GREB1: variants seen among roughly 807,000 people sequenced by gnomAD.
GREB1 encodes the protein growth regulating estrogen receptor binding 1.
Under a neutral mutation model 200.7 loss-of-function variants are expected in GREB1, and 106 were observed. That is an observed-to-expected ratio of 0.53 (90% CI 0.45 to 0.62). GREB1 has a LOEUF of 0.62. GREB1 is among the 20% of genes least tolerant of loss of function. GREB1 has a pLI of 0.00. For synonymous variants in GREB1, 1,132 were observed against 1,092.4 expected, an observed-to-expected ratio of 1.04 and a Z score of -0.72; for missense variants, 2,243 against 2,556.8, an observed-to-expected ratio of 0.88 and a Z score of 2.65.
At chr2:11,588,680 C>T (rs1373302798) in intron 9 of GREB1, 66 bp from the exon 10 acceptor site, 2 of 1,435,256 alleles carry the variant, frequency 1.4e-6, no homozygotes, top group Admixed American at 1.7e-5. Context: ...CCCCAGAGAA[C>T]CCACATGTAT....
At chr2:11,555,098 C>G (rs1676304127) in intron 1 of GREB1, among the ~76,000 whole-genome samples, 1 of 152,012 alleles carries the variant, frequency 6.6e-6, no homozygotes, top group Non-Finnish European at 1.5e-5. Flanking sequence ...TAAATGTCTT[C>G]GTTGTTAATG....
intron 2 of GREB1, 79 bp downstream of exon 2, chr2:11,556,850 T>C: frequency 9.2e-7 from 1 of 1,086,850 alleles, no homozygotes; most frequent in Non-Finnish European, 1.3e-6. Flanking sequence ...CTTGAAACTC[T>C]TTTCTTTATG....
chr2:11,573,394 C>T (rs1220450751), intron 4 of GREB1, among the ~76,000 whole-genome samples: 6 of 152,158 alleles, frequency 3.9e-5, no homozygotes, highest in South Asian at 2.1e-4. Context: ...TATCCACACC[C>T]GGCAGGAATT....
chr2:11,575,391 C>T (rs1265777896), intron 4 of GREB1, among the ~76,000 whole-genome samples: 6 of 152,220 alleles, frequency 3.9e-5, no homozygotes, highest in African/African-American at 2.4e-5. Flanking sequence ...TCTGAATAGG[C>T]TTTACAGTGT....
At chr2:11,566,784 C>A in intron 4 of GREB1, 128 bp downstream of exon 4, 1 of 755,930 alleles carries the variant, frequency 1.3e-6, no homozygotes, top group Non-Finnish European at 2.1e-6. Context: ...GCATGCAGCC[C>A]TGTTTCTGTT....
chr2:11,579,333 A>C (rs1172510274), intron 6 of GREB1, among the ~76,000 whole-genome samples: 1 of 152,182 alleles, frequency 6.6e-6, no homozygotes, highest in African/African-American at 2.4e-5. Context: ...CAGTGCTGCT[A>C]CCTTTTAGCT....
intron 17 of GREB1, among the ~76,000 whole-genome samples, chr2:11,607,525 T>C (rs1409365863): frequency 3.2e-5 from 3 of 93,680 alleles, no homozygotes; most frequent in African/African-American, 8.5e-5. Context: ...CATACATATA[T>C]ATACACATAT....
chr2:11,581,329 A>G (rs1043487237), intron 7 of GREB1: 1 of 348,774 alleles, frequency 2.9e-6, no homozygotes. Context: ...GTCAGAGCAC[A>G]TCTGGCAGCT....
At chr2:11,595,989 T>C in intron 12 of GREB1, 122 bp from the exon 13 acceptor site, 1 of 908,870 alleles carries the variant, frequency 1.1e-6, no homozygotes, top group Non-Finnish European at 1.7e-6. Context: ...GGACGGGCCA[T>C]GTCCTCCTCT....
At chr2:11,586,814 G>A (rs1348398625) in intron 9 of GREB1, among the ~76,000 whole-genome samples, 1 of 152,152 alleles carries the variant, frequency 6.6e-6, no homozygotes, top group Admixed American at 6.5e-5. Context: ...TCTGAGTTTC[G>A]ACCTTAGCAT....
rs781078607 is a variant in GREB1, at chr2:11,568,530, A to G, written c.454+1874A>G. On this transcript the variant is annotated intron_variant, in intron 4 of 32. Coordinates refer to ENST00000381486, the MANE Select transcript of GREB1 (RefSeq NM_014668.4). ...ACTCTAGCAAAGAAGCTGATGGAAT[A>G]ATTCAATGACAGACTGAACGCTTAC... is the stretch of plus-strand genomic sequence containing the variant. Among the ~76,000 whole-genome samples, 43 of 152,286 alleles carry G rather than the reference A, an allele frequency of 2.8e-4. 1 individual carries two copies. The highest frequency in any genetic ancestry group is 5.4e-4 in the Non-Finnish European group (37 of 68,044).
At chr2:11,599,781 A>G (rs538849912) in intron 15 of GREB1, among the ~76,000 whole-genome samples, 6 of 152,192 alleles carry the variant, frequency 3.9e-5, no homozygotes, top group Admixed American at 3.3e-4. Flanking sequence ...CGGCCTCCCA[A>G]AGTGCTGGGA....
chr2:11,543,036 G>A (rs62118297), intron 1 of GREB1, among the ~76,000 whole-genome samples: 18,125 of 151,900 alleles, frequency 0.12, 1,359 homozygotes, highest in African/African-American at 0.21. Context: ...CCTTTTCCTC[G>A]TCTACTGTCT....
intron 22 of GREB1, among the ~76,000 whole-genome samples, chr2:11,619,621 A>G (rs1683835110): frequency 6.6e-6 from 1 of 152,204 alleles, no homozygotes; most frequent in South Asian, 2.1e-4. Flanking sequence ...TGTCTCTTTG[A>G]TGGGTGAAAA....
At chr2:11,567,204 G>A (rs1426696728) in intron 4 of GREB1, among the ~76,000 whole-genome samples, 4 of 152,004 alleles carry the variant, frequency 2.6e-5, no homozygotes, top group East Asian at 1.9e-4. Context: ...AGCTCACTGC[G>A]ACCCCCACCT....
In GREB1 at chr2:11,552,739, C is replaced by A. The variant is rs10929755; in HGVS notation, c.-161-3715C>A. Among the ~76,000 whole-genome samples, 13 of 151,992 alleles carry A rather than the reference C, an allele frequency of 8.6e-5. No individual in the cohort carries two copies. In the South Asian group the frequency reaches 2.1e-3, roughly 24 times the overall value. On this transcript the variant is annotated intron_variant, in intron 1 of 32. Transcript: ENST00000381486. ...AAAAAGAGCCGCAGTTGGCCGGGCG[C>A]GGTGGCTCACGCCTGTAATCCCAGC...
chr2:11,595,448 A>T (rs1558605980), intron 12 of GREB1, 69 bp downstream of exon 12: 2 of 1,510,264 alleles, frequency 1.3e-6, no homozygotes, highest in Non-Finnish European at 1.8e-6. Context: ...GGGGGAGGTC[A>T]TCTCTGCCTC....
At chr2:11,563,804 A>G (rs1031284422) in intron 3 of GREB1, among the ~76,000 whole-genome samples, 4 of 152,204 alleles carry the variant, frequency 2.6e-5, no homozygotes, top group African/African-American at 9.6e-5. Context: ...TTAAGCAGTA[A>G]TTGAAGTAAT....
intron 1 of GREB1, among the ~76,000 whole-genome samples, chr2:11,513,367 C>G (rs893305137): frequency 1.4e-4 from 22 of 152,110 alleles, no homozygotes; most frequent in African/African-American, 5.3e-4. Context: ...GGATGGGCAT[C>G]TCAGGGAAGG....
Sources: gnomAD v4.1 joint callset for allele counts (sites outside exome capture counted in the v4.1 genomes callset) on GRCh38, gnomAD v4.1.1 for gene constraint, MANE v1.5 for transcripts, NCBI Gene and HGNC (gene_info 2026-07-23, HGNC 2026-07-21) for gene names.